ARHGEF16: variants seen among roughly 807,000 people sequenced by gnomAD.
The protein encoded by ARHGEF16 is Rho guanine exchange factor (GEF) 16.
In ARHGEF16, 59 loss-of-function variants were observed where a neutral mutation model predicts 74.1. The observed-to-expected ratio is 0.80, with a 90% CI of 0.65 to 0.99. The LOEUF (loss-of-function observed/expected upper bound fraction) is 0.99, where lower values mean the gene tolerates loss of function less well. ARHGEF16 is among the 50% of genes least tolerant of loss of function. The pLI, the probability that ARHGEF16 is intolerant of heterozygous loss-of-function variation, is 0.00. For synonymous variants in ARHGEF16, 415 were observed against 412.6 expected (o/e 1.01, Z -0.07); for missense variants, 948 against 986.6 (o/e 0.96, Z 0.52).
Position 3,467,182 on chromosome 1 carries a change from C to T in ARHGEF16, c.649C>T (p.Gln217Ter). The T allele has an allele frequency of 6.4e-7, 1 of 1,550,504 alleles. No homozygotes were observed. The highest frequency in any genetic ancestry group is 8.7e-7 in the Non-Finnish European group (1 of 1,146,742). The part of the protein sequence containing the change: ...GSFKDDPQLY[Q>*]EIQERGLNTS... ...TCTCTCTCTAGACCCCCAGCTCTACCAGGAGATCCAGGAGCGGGGCCTGAA... is the reference window on the plus strand; with the variant it reads ...TCTCTCTCTAGACCCCCAGCTCTACTAGGAGATCCAGGAGCGGGGCCTGAA... The change falls in exon 4 of 15, where the codon CAG becomes TAG. Residue 217 changes from glutamine (Q) to a stop codon, truncating the protein, a stop_gained. Transcript: ENST00000378378. LOFTEE classifies it high-confidence loss of function.
chr1:3,478,636 G>A, intron 12 of ARHGEF16, 24 bp downstream of exon 12: 1 of 1,585,556 alleles, frequency 6.3e-7, no homozygotes, highest in Non-Finnish European at 8.6e-7. Flanking sequence ...CGGGAGGGCT[G>A]TTCCCAGGCC....
At chr1:3,469,281 C>T (rs1319559089) in intron 5 of ARHGEF16, among the ~76,000 whole-genome samples, 152 bp from the exon 6 acceptor site, 1 of 152,174 alleles carries the variant, frequency 6.6e-6, no homozygotes, top group Admixed American at 6.5e-5. Flanking sequence ...CCAAGCTGGC[C>T]ATTCTGACAG....
chr1:3,467,025 C>G (rs1293907440), intron 3 of ARHGEF16, 143 bp from the exon 4 acceptor site: 2 of 846,416 alleles, frequency 2.4e-6, no homozygotes, highest in African/African-American at 3.4e-5. Context: ...GGTGCCCAGC[C>G]TGGGGCAGTC....
chr1:3,471,338 G>A lies in ARHGEF16; in HGVS notation c.1023-1740G>A, dbSNP rs962731633. Among the ~76,000 whole-genome samples, 3 of 152,086 alleles carry A rather than the reference G, an allele frequency of 2.0e-5. No individual in the cohort carries two copies. The South Asian group carries it at 6.2e-4, about 31-fold the overall frequency. On this transcript the variant is annotated intron_variant, in intron 6 of 14. Coordinates refer to ENST00000378378, the MANE Select transcript of ARHGEF16 (RefSeq NM_014448.4). ...CTGGCACAGGGCTGCCCCAACAGTGGTGGTTGCTGGCGCATTCTTATATCA... is the reference window on the plus strand; with the variant it reads ...CTGGCACAGGGCTGCCCCAACAGTGATGGTTGCTGGCGCATTCTTATATCA...
intron 3 of ARHGEF16, 28 bp from the exon 4 acceptor site, chr1:3,467,140 C>T: frequency 6.5e-7 from 1 of 1,540,254 alleles, no homozygotes; most frequent in Non-Finnish European, 8.8e-7. Flanking sequence ...TCCCCCAGGG[C>T]CACAGGTTAC....
intron 6 of ARHGEF16, among the ~76,000 whole-genome samples, chr1:3,472,199 G>A (rs917731345): frequency 6.6e-6 from 1 of 152,218 alleles, no homozygotes; most frequent in Non-Finnish European, 1.5e-5. Context: ...GTGCTCTGAG[G>A]GTCTGCAGGA....
chr1:3,474,606 G>T, intron 8 of ARHGEF16, 102 bp from the exon 9 acceptor site: 1 of 1,169,164 alleles, frequency 8.6e-7, no homozygotes, highest in South Asian at 1.3e-5. Flanking sequence ...GGGGGCAGCT[G>T]TTGACCACCC....
chr1:3,460,531 A>T (rs1569837388), intron 1 of ARHGEF16, among the ~76,000 whole-genome samples: 1 of 152,196 alleles, frequency 6.6e-6, no homozygotes, highest in South Asian at 2.1e-4. Context: ...CCCCCCAGGT[A>T]AAGTCATCAC....
At chr1:3,477,688 G>GGAC (rs1639926578) in intron 10 of ARHGEF16, among the ~76,000 whole-genome samples, 187 bp from the exon 11 acceptor site, 1 of 151,926 alleles carries the variant, frequency 6.6e-6, no homozygotes, top group South Asian at 2.1e-4. Flanking sequence ...TTTGAGGCCC[G>GGAC]GACACATTGT....
rs1312259128 is a variant in ARHGEF16, at chr1:3,480,662, T to A, written c.*75T>A. The A allele has an allele frequency of 2.6e-6, 4 of 1,541,232 alleles. No individual in the cohort carries two copies. Among genetic ancestry groups the A allele is most frequent in the Non-Finnish European group, 3.5e-6 (4 of 1,146,138 alleles). ...TGGTCGTGCCTGGCTCTAGAGAGCG[T>A]GGGGAGCTGGTCTCAAGGACCCAGC... On this transcript the variant is annotated 3_prime_UTR_variant, in exon 15 of 15. Transcript: ENST00000378378.
intron 12 of ARHGEF16, 103 bp from the exon 13 acceptor site, chr1:3,479,414 C>T: frequency 8.6e-7 from 1 of 1,166,678 alleles, no homozygotes; most frequent in Non-Finnish European, 1.2e-6. Flanking sequence ...CCACCACCCC[C>T]ATCTCCTTGC....
intron 1 of ARHGEF16, among the ~76,000 whole-genome samples, chr1:3,457,780 G>A (rs953940021): frequency 2.0e-5 from 3 of 152,206 alleles, no homozygotes; most frequent in African/African-American, 4.8e-5. Flanking sequence ...GATTCCGCCT[G>A]CTCGCCTCTG....
rs1267026166 is a variant in ARHGEF16 at position 3,478,012 on chromosome 1, G to A, written c.1611G>A (p.Val537=). Residue 537 remains valine, a synonymous_variant, in exon 11 of 15, where the codon GTG becomes GTA. Transcript: ENST00000378378. ...YLFLFNDVLV[V]TKKKSEESYM... ...TCCTGTTCAACGATGTCCTGGTTGT[G>A]ACCAAGAAGAAGAGGTGGCCTTAGG... The A allele has an allele frequency of 1.2e-6, 2 of 1,612,576 alleles. No individual in the cohort carries two copies. The highest frequency in any genetic ancestry group is 4.5e-5 in the East Asian group (2 of 44,886).
At chr1:3,469,258 C>T (rs749386306) in intron 5 of ARHGEF16, among the ~76,000 whole-genome samples, 175 bp from the exon 6 acceptor site, 3 of 152,186 alleles carry the variant, frequency 2.0e-5, no homozygotes, top group Non-Finnish European at 2.9e-5. Context: ...CCAGGGACGT[C>T]GGGCTGGCAT....
rs373701313 is a variant in ARHGEF16 at position 3,463,540 on chromosome 1, A to G, written c.456A>G (p.Gln152=). ...TGCTGAGGCGGAACCTGCGGAACCA[A>G]TCCTACCGGGCGGCCATGAAGGGCC... is the stretch of plus-strand genomic sequence containing the variant. The part of the protein sequence containing the change: ...GGMLRRNLRN[Q]SYRAAMKGLG... Residue 152 remains glutamine (Q), a synonymous_variant, in exon 2 of 15, where the codon CAA becomes CAG. Transcript: ENST00000378378. The G allele has an allele frequency of 6.1e-5, 89 of 1,465,014 alleles. No homozygotes were observed. The highest frequency in any genetic ancestry group is 7.3e-5 in the Non-Finnish European group (81 of 1,104,894). 90.8% of individuals were successfully genotyped at this position (1,465,014 alleles called of 1,614,324 possible).
chr1:3,478,683 C>T, intron 12 of ARHGEF16, 71 bp downstream of exon 12: 1 of 1,491,770 alleles, frequency 6.7e-7, no homozygotes, highest in Non-Finnish European at 9.0e-7. Flanking sequence ...GGGTTGTCCC[C>T]CTGCCTTGCT....
intron 1 of ARHGEF16, among the ~76,000 whole-genome samples, chr1:3,461,964 C>T (rs941449210): frequency 1.3e-5 from 2 of 152,144 alleles, no homozygotes; most frequent in African/African-American, 4.8e-5. Flanking sequence ...TGCCTCGGGT[C>T]TGGAAGGAGG....
At chr1:3,455,676 G>T (rs920389346) in intron 1 of ARHGEF16, among the ~76,000 whole-genome samples, 1 of 152,142 alleles carries the variant, frequency 6.6e-6, no homozygotes, top group Non-Finnish European at 1.5e-5. Context: ...GGCCTAGGGG[G>T]TGCGTGTGGG....
At chr1:3,472,842 G>C (rs938330655) in intron 6 of ARHGEF16, 3 of 535,412 alleles carry the variant, frequency 5.6e-6, no homozygotes, top group African/African-American at 3.9e-5. Context: ...CGTGGCAGGG[G>C]GCTCTGTAAG....
Sources: allele counts gnomAD v4.1 joint callset (sites outside exome capture counted in the v4.1 genomes callset), GRCh38; gene constraint gnomAD v4.1.1; transcripts MANE v1.5; gene names NCBI Gene and HGNC (gene_info 2026-07-23, HGNC 2026-07-21).